IRGM: variants seen among roughly 807,000 people sequenced by gnomAD.
The protein encoded by IRGM is immunity-related GTPase family M protein.
For synonymous variants in IRGM, 98 were observed against 80.6 expected (o/e 1.22, Z -1.16); for missense variants, 288 against 219.9 (o/e 1.31, Z -1.96).
chr5:150,872,004 T>C (rs1754290485), intron 1 of IRGM, among the ~76,000 whole-genome samples: 1 of 152,230 alleles, frequency 6.6e-6, no homozygotes, highest in African/African-American at 2.4e-5. Flanking sequence ...TTAATCTCCC[T>C]CTAGCACACC....
At position 150,875,899 on chromosome 5, in the gene IRGM, A is replaced by T. The variant is rs186335882; in HGVS notation, c.159-2081A>T. ...AAGGACAGCAATTTGTCCTCACTGG[A>T]ATAGACACTTACTCTGGATATGGGT... On this transcript the variant is annotated intron_variant and NMD_transcript_variant, in intron 1 of 3. Coordinates refer to the IRGM transcript ENST00000520549. 3.3e-3 allele frequency among the ~76,000 whole-genome samples: 502 copies of T among 152,316 alleles called. 3 individuals are homozygous for T. The highest frequency in any genetic ancestry group is 0.011 in the African/African-American group (476 of 41,576).
At chr5:150,896,112 G>T in intron 3 of IRGM, 1 of 1,613,416 alleles carries the variant, frequency 6.2e-7, no homozygotes, top group Non-Finnish European at 8.5e-7. Context: ...TTTTTCCCCA[G>T]TATGTATTCT....
At chr5:150,901,824 T>C (rs1274837769), downstream of IRGM, among the ~76,000 whole-genome samples, 1 of 152,074 alleles carries the variant, frequency 6.6e-6, no homozygotes, top group East Asian at 1.9e-4. Flanking sequence ...TCTGATAAAA[T>C]AGTAAAGGAG....
chr5:150,858,306 C>A (rs1255249589), intron 1 of IRGM, among the ~76,000 whole-genome samples: 1 of 152,048 alleles, frequency 6.6e-6, no homozygotes. Context: ...GGTACCAGTA[C>A]CATGCTGTTT....
intron 3 of IRGM, among the ~76,000 whole-genome samples, chr5:150,880,444 A>C (rs537280722): frequency 3.3e-5 from 5 of 152,330 alleles, no homozygotes; most frequent in Admixed American, 1.3e-4. Flanking sequence ...AACATCCTAA[A>C]GATATATATC....
At chr5:150,866,492 C>T (rs1025915120) in intron 1 of IRGM, among the ~76,000 whole-genome samples, 1 of 152,172 alleles carries the variant, frequency 6.6e-6, no homozygotes, top group African/African-American at 2.4e-5. Flanking sequence ...CCATTATGGA[C>T]AGATGAGATG....
chr5:150,895,486 C>T, intron 3 of IRGM: 1 of 1,613,162 alleles, frequency 6.2e-7, no homozygotes, highest in Non-Finnish European at 8.5e-7. Flanking sequence ...TGGATGAAGG[C>T]CTTCCCACAT....
chr5:150,849,002 A>G (rs1168298180), downstream of IRGM, among the ~76,000 whole-genome samples: 3 of 152,040 alleles, frequency 2.0e-5, no homozygotes, highest in African/African-American at 7.2e-5. Context: ...AAAGGTGTGG[A>G]CAGGGTGCAG....
intron 3 of IRGM, chr5:150,895,763 G>C: frequency 6.2e-7 from 1 of 1,613,542 alleles, no homozygotes; most frequent in Non-Finnish European, 8.5e-7. Flanking sequence ...TACATTTATA[G>C]GGTTTTTCTC....
intron 3 of IRGM, among the ~76,000 whole-genome samples, chr5:150,886,823 CTT>C (rs1407317121): frequency 1.3e-5 from 2 of 151,812 alleles, no homozygotes; most frequent in East Asian, 3.9e-4. Flanking sequence ...AGTGACCTAT[CTT>C]TCTTTTCAAT....
chr5:150,879,539 G>A (rs1754414417), intron 2 of IRGM: 1 of 152,130 alleles, frequency 6.6e-6, no homozygotes. Context: ...AGGCACTGGG[G>A]GTATAACTTC....
chr5:150,883,825 C>G (rs1754478877), intron 3 of IRGM, among the ~76,000 whole-genome samples: 2 of 151,876 alleles, frequency 1.3e-5, no homozygotes, highest in Admixed American at 6.6e-5. Context: ...AGAAATAGTA[C>G]CAATTCTTCT....
intron 1 of IRGM, among the ~76,000 whole-genome samples, chr5:150,862,502 TA>T (rs1217457210): frequency 6.6e-6 from 1 of 152,164 alleles, no homozygotes; most frequent in Non-Finnish European, 1.5e-5. Context: ...GACCTGACCA[TA>T]TGACTTATTT....
At chr5:150,896,409 G>T in intron 3 of IRGM, 1 of 1,613,582 alleles carries the variant, frequency 6.2e-7, no homozygotes, top group Non-Finnish European at 8.5e-7. Flanking sequence ...CTTAGCAAAG[G>T]CTTTTCCACA....
At chr5:150,882,537 A>C (rs1754460608) in intron 3 of IRGM, among the ~76,000 whole-genome samples, 1 of 152,164 alleles carries the variant, frequency 6.6e-6, no homozygotes, top group Admixed American at 6.5e-5. Flanking sequence ...AAAAAGATAA[A>C]CCATGTAAAT....
At chr5:150,855,774 T>A (rs1168680217) in intron 1 of IRGM, among the ~76,000 whole-genome samples, 1 of 152,162 alleles carries the variant, frequency 6.6e-6, no homozygotes, top group Non-Finnish European at 1.5e-5. Flanking sequence ...TATAAACCAC[T>A]AGTATGTTCA....
intron 3 of IRGM, among the ~76,000 whole-genome samples, chr5:150,880,193 A>C (rs1393431640): frequency 6.6e-6 from 1 of 152,156 alleles, no homozygotes; most frequent in African/African-American, 2.4e-5. Flanking sequence ...ATTGTGGGAG[A>C]TATGAACAGC....
chr5:150,848,391 G>A lies in IRGM; in HGVS notation c.268G>A (p.Asp90Asn), dbSNP rs753392162. The A allele has an allele frequency of 5.8e-6, 9 of 1,551,700 alleles. No individual in the cohort carries two copies. The highest frequency in any genetic ancestry group is 1.4e-5 in the African/African-American group (1 of 73,020). ...SSHFSNVVLW[D>N]LPGTGSATTT... ...CCACTTTTCAAATGTGGTGTTGTGGGACCTGCCTGGCACAGGGTCTGCCAC... is the reference window on the plus strand; with the variant it reads ...CCACTTTTCAAATGTGGTGTTGTGGAACCTGCCTGGCACAGGGTCTGCCAC... The change falls in exon 2 of 2, where the codon GAC (aspartate) becomes AAC (asparagine). Residue 90 changes from aspartate (D) to asparagine (N), a missense_variant. Transcript: ENST00000522154.
chr5:150,869,163 T>G (rs202030991), intron 1 of IRGM, among the ~76,000 whole-genome samples: 1 of 152,242 alleles, frequency 6.6e-6, no homozygotes, highest in East Asian at 1.9e-4. Context: ...GTCCTTTCTA[T>G]GCTGATTTTG....
Sources: allele counts gnomAD v4.1 joint callset (sites outside exome capture counted in the v4.1 genomes callset), GRCh38; gene constraint gnomAD v4.1.1; transcripts MANE v1.5; gene names NCBI Gene and HGNC (gene_info 2026-07-23, HGNC 2026-07-21).